NLGN1: variants seen among roughly 807,000 people sequenced by gnomAD.
NLGN1 encodes the protein neuroligin 1.
A neutral mutation model predicts 65.5 loss-of-function variants in NLGN1; 12 were observed. The ratio of observed to expected loss-of-function variants is 0.18; its 90% CI spans 0.12 to 0.30. The LOEUF (loss-of-function observed/expected upper bound fraction) is 0.30. Among genes scored for constraint, NLGN1 ranks in the 10% least tolerant of loss-of-function variants. The probability of loss-of-function intolerance (pLI) is 1.00; values close to 1 mark genes in which losing one functional copy is unlikely to be tolerated. For synonymous variants in NLGN1, 350 were observed against 359.5 expected, an observed-to-expected ratio of 0.97 and a Z score of 0.30; for missense variants, 750 against 1,007.1, an observed-to-expected ratio of 0.74 and a Z score of 3.46.
In NLGN1 at chr3:173,505,968, A is replaced by G. The variant is rs373686430; in HGVS notation, c.-321+70890A>G. On this transcript the variant is annotated intron_variant, in intron 2 of 6. Transcript: ENST00000457714. ...ATGAATGAACAAATGAACAAGTAATAATTTCAAGAGCTAATACCACGTATT... is the reference window on the plus strand; with the variant it reads ...ATGAATGAACAAATGAACAAGTAATGATTTCAAGAGCTAATACCACGTATT... Among the ~76,000 whole-genome samples the G allele has an allele frequency of 1.1e-4, 17 of 152,256 alleles. 1 individual carries two copies. Among genetic ancestry groups the G allele is most frequent in the Admixed American group, 2.0e-4 (3 of 15,256 alleles).
At position 173,632,681 on chromosome 3, in the gene NLGN1, G is replaced by A. The variant is rs145407279; in HGVS notation, c.493+27590G>A. 7.8e-3 allele frequency among the ~76,000 whole-genome samples: 1,182 copies of A among 152,080 alleles called. 8 individuals carry two copies. Among genetic ancestry groups the A allele is most frequent in the Admixed American group, 0.025 (387 of 15,256 alleles). On this transcript the variant is annotated intron_variant, in intron 3 of 6. Transcript: ENST00000457714. Reference sequence around the variant, plus strand: ...TTTGCATCACTTGAAAATCTCAAAGGGACAGGATTTCCTGTAGCTGACTGG... The same window carrying A: ...TTTGCATCACTTGAAAATCTCAAAGAGACAGGATTTCCTGTAGCTGACTGG...
chr3:174,234,603 A>G (rs574279479), intron 4 of NLGN1, among the ~76,000 whole-genome samples: 1 of 152,176 alleles, frequency 6.6e-6, no homozygotes, highest in Non-Finnish European at 1.5e-5. Context: ...GGTTTTTTCT[A>G]TCTATTGGGA....
intron 3 of NLGN1, among the ~76,000 whole-genome samples, chr3:173,655,764 A>C: frequency 6.6e-6 from 1 of 152,106 alleles, no homozygotes; most frequent in Admixed American, 6.6e-5. Context: ...ATTAAAAAAA[A>C]AAAAATCTGA....
At chr3:173,508,541 G>A (rs546830007) in intron 2 of NLGN1, among the ~76,000 whole-genome samples, 1 of 152,240 alleles carries the variant, frequency 6.6e-6, no homozygotes, top group South Asian at 2.1e-4. Flanking sequence ...AGAAGTGCCA[G>A]GAGAAAATGG....
intron 4 of NLGN1, among the ~76,000 whole-genome samples, chr3:174,177,476 C>T (rs1305732535): frequency 6.6e-6 from 1 of 151,874 alleles, no homozygotes; most frequent in Non-Finnish European, 1.5e-5. Context: ...TGTTTGGAAG[C>T]TCCATTATTA....
intron 2 of NLGN1, among the ~76,000 whole-genome samples, chr3:173,459,342 A>T (rs146383217): frequency 6.6e-6 from 1 of 152,248 alleles, no homozygotes; most frequent in African/African-American, 2.4e-5. Context: ...ACAAATCCCC[A>T]CGTTTTTTCA....
At chr3:174,220,813 C>T (rs550421960) in intron 4 of NLGN1, among the ~76,000 whole-genome samples, 151 of 152,148 alleles carry the variant, frequency 9.9e-4, no homozygotes, top group African/African-American at 3.5e-3. Context: ...AGCAATTAGC[C>T]CAGCAATTCT....
At chr3:173,825,183 T>G (rs1016201235) in intron 4 of NLGN1, among the ~76,000 whole-genome samples, 6 of 152,106 alleles carry the variant, frequency 3.9e-5, no homozygotes, top group African/African-American at 1.4e-4. Context: ...GTTATGCTTT[T>G]TTAAATTTTT....
At chr3:173,997,001 C>T (rs1405858845) in intron 4 of NLGN1, among the ~76,000 whole-genome samples, 1 of 151,778 alleles carries the variant, frequency 6.6e-6, no homozygotes, top group East Asian at 1.9e-4. Flanking sequence ...TGGTTTGTGA[C>T]ATATTAGTGA....
At position 173,550,403 on chromosome 3, in the gene NLGN1, C is replaced by T. The variant is rs371509724; in HGVS notation, c.-320-53876C>T. The stretch of plus-strand genomic sequence containing the variant: ...TCATCTGCTGTTATTATATCCTCCA[C>T]CAATCTTCACAAAGAACTCAAGTTC... On this transcript the variant is annotated intron_variant, in intron 2 of 6. Transcript: ENST00000457714. Among the ~76,000 whole-genome samples the T allele has an allele frequency of 1.1e-4, 17 of 152,050 alleles. 1 individual carries two copies. The highest frequency in any genetic ancestry group is 2.0e-4 in the Admixed American group (3 of 15,274).
intron 2 of NLGN1, among the ~76,000 whole-genome samples, chr3:173,591,420 C>G (rs1326271681): frequency 6.6e-6 from 1 of 152,140 alleles, no homozygotes; most frequent in Non-Finnish European, 1.5e-5. Flanking sequence ...TGACAGGAAA[C>G]CATTATTGCT....
intron 3 of NLGN1, among the ~76,000 whole-genome samples, chr3:173,702,703 A>G (rs1421040511): frequency 1.3e-5 from 2 of 152,196 alleles, no homozygotes; most frequent in African/African-American, 2.4e-5. Flanking sequence ...ATACTTGTGT[A>G]TATTTTAGAA....
chr3:174,043,530 A>T (rs933408727), intron 4 of NLGN1, among the ~76,000 whole-genome samples: 1 of 152,240 alleles, frequency 6.6e-6, no homozygotes, highest in Non-Finnish European at 1.5e-5. Flanking sequence ...GCCCCATGCA[A>T]GCCCAAAATC....
At chr3:173,952,674 T>C (rs1433313539) in intron 4 of NLGN1, among the ~76,000 whole-genome samples, 1 of 152,214 alleles carries the variant, frequency 6.6e-6, no homozygotes, top group Non-Finnish European at 1.5e-5. Context: ...ATTACAGAGA[T>C]CCCATATGTT....
chr3:173,967,701 C>T (rs563806156), intron 4 of NLGN1, among the ~76,000 whole-genome samples: 5 of 152,180 alleles, frequency 3.3e-5, no homozygotes, highest in South Asian at 2.1e-4. Context: ...CATTTCATCC[C>T]GTTTCCTTCT....
rs376155312 is a variant in NLGN1, at chr3:173,550,268, A to G, written c.-320-54011A>G. ...TAATATATGCAGAGAGATAGAACAA[A>G]AATCAGCTATAATATTATCCTCTTC... On this transcript the variant is annotated intron_variant, in intron 2 of 6. Transcript: ENST00000457714. Among the ~76,000 whole-genome samples the G allele has an allele frequency of 1.1e-4, 17 of 152,238 alleles. 1 individual carries two copies. Among genetic ancestry groups the G allele is most frequent in the Admixed American group, 2.0e-4 (3 of 15,286 alleles).
rs78771050 is a variant in NLGN1 at position 173,618,710 on chromosome 3, A to G, written c.493+13619A>G. Among the ~76,000 whole-genome samples, 233 of 152,276 alleles carry G rather than the reference A, an allele frequency of 1.5e-3. No individual in the cohort carries two copies. In the East Asian group the frequency reaches 0.031, roughly 20 times the overall value. Reference sequence around the variant, plus strand: ...TGGGCCAGTTAGATCACTGAGATAAATAGAGTGGCCAGTGGCTTTTCTAGT... The same window carrying G: ...TGGGCCAGTTAGATCACTGAGATAAGTAGAGTGGCCAGTGGCTTTTCTAGT... On this transcript the variant is annotated intron_variant, in intron 3 of 6. Coordinates refer to ENST00000457714, the Ensembl canonical transcript of NLGN1.
At chr3:173,460,872 T>C (rs909448268) in intron 2 of NLGN1, among the ~76,000 whole-genome samples, 20 of 152,116 alleles carry the variant, frequency 1.3e-4, no homozygotes, top group Non-Finnish European at 2.8e-4. Context: ...GTCCTCACAG[T>C]GTGAAGAGCT....
chr3:173,562,783 C>G (rs1432524061), intron 2 of NLGN1, among the ~76,000 whole-genome samples: 2 of 152,144 alleles, frequency 1.3e-5, no homozygotes, highest in Non-Finnish European at 2.9e-5. Context: ...ATACTCACTC[C>G]TTTGGTTTTC....
Sources: allele counts gnomAD v4.1 joint callset (sites outside exome capture counted in the v4.1 genomes callset), GRCh38; gene constraint gnomAD v4.1.1; transcripts MANE v1.5; gene names NCBI Gene and HGNC (gene_info 2026-07-23, HGNC 2026-07-21).